Variants in KPNA5 observed in about 807,000 individuals in gnomAD.
The protein encoded by KPNA5 is importin subunit alpha-6.
Under a neutral mutation model 71.3 loss-of-function variants are expected in KPNA5, and 46 were observed. The observed-to-expected ratio is 0.65, with a 90% CI of 0.51 to 0.83. The LOEUF is 0.83. Among genes scored for constraint, KPNA5 ranks in the 40% least tolerant of loss-of-function variants. The pLI is 0.00. For missense variants in KPNA5, 547 were observed against 628.3 expected, an observed-to-expected ratio of 0.87 and a Z score of 1.38; for synonymous variants, 207 against 201.4, an observed-to-expected ratio of 1.03 and a Z score of -0.24.
chr6:116,682,034 A>G (rs938824820), intron 1 of KPNA5, among the ~76,000 whole-genome samples: 1 of 152,198 alleles, frequency 6.6e-6, no homozygotes, highest in Non-Finnish European at 1.5e-5. Flanking sequence ...TGGGAGGCGG[A>G]GGCGGGCGGA....
chr6:116,695,230 C>T (rs899020875), intron 4 of KPNA5, among the ~76,000 whole-genome samples: 5 of 151,804 alleles, frequency 3.3e-5, no homozygotes, highest in Non-Finnish European at 7.4e-5. Context: ...TGCTTGGCCT[C>T]GCAGTTATCT....
At chr6:116,720,257 T>A (rs1354322986) in intron 8 of KPNA5, among the ~76,000 whole-genome samples, 1 of 152,224 alleles carries the variant, frequency 6.6e-6, no homozygotes, top group Non-Finnish European at 1.5e-5. Flanking sequence ...TTATTGGTAG[T>A]TCCCTCTCCT....
Position 116,722,207 on chromosome 6 carries a change from T to G in KPNA5, c.838T>G (p.Ser280Ala). The G allele has an allele frequency of 6.2e-7, 1 of 1,613,434 alleles. No individual in the cohort carries two copies. Among genetic ancestry groups the G allele is most frequent in the Non-Finnish European group, 8.5e-7 (1 of 1,179,586 alleles). Residue 280 changes from serine to alanine, a missense_variant, in exon 9 of 14, where the codon TCT becomes GCT. Transcript: ENST00000368564. ...DVLADVCWAL[S>A]YLSDGPNDKI... The stretch of plus-strand genomic sequence containing the variant: ...GTTAGCAGACGTGTGTTGGGCCCTT[T>G]CTTATCTCTCCGATGGACCCAATGA...
chr6:116,724,956 T>C (rs569753143), intron 10 of KPNA5, among the ~76,000 whole-genome samples: 3 of 152,182 alleles, frequency 2.0e-5, no homozygotes, highest in Admixed American at 6.6e-5. Flanking sequence ...TTTAACACGT[T>C]AGATTCTCCT....
chr6:116,693,787 T>A (rs11153623), intron 4 of KPNA5, among the ~76,000 whole-genome samples: 2,502 of 152,010 alleles, frequency 0.016, 44 homozygotes, highest in African/African-American at 0.056. Flanking sequence ...TTGCTTTTGG[T>A]GTTTTAGACA....
intron 7 of KPNA5, among the ~76,000 whole-genome samples, chr6:116,709,837 T>C (rs748899387): frequency 6.6e-6 from 1 of 151,810 alleles, no homozygotes; most frequent in East Asian, 1.9e-4. Flanking sequence ...TGATCTTGGC[T>C]CACTGCAGCC....
intron 12 of KPNA5, among the ~76,000 whole-genome samples, chr6:116,728,684 G>A (rs1027092717): frequency 8.6e-5 from 13 of 151,878 alleles, no homozygotes; most frequent in African/African-American, 3.1e-4. Context: ...TTTATTAAAT[G>A]TCTATTGTGT....
chr6:116,730,378 T>C (rs1049786627), intron 13 of KPNA5, among the ~76,000 whole-genome samples: 3 of 152,052 alleles, frequency 2.0e-5, no homozygotes, highest in African/African-American at 7.2e-5. Context: ...TGAGCCACCA[T>C]GTCTGGCCAT....
intron 4 of KPNA5, among the ~76,000 whole-genome samples, chr6:116,693,573 T>A (rs377350991): frequency 6.6e-6 from 1 of 152,344 alleles, no homozygotes; most frequent in Admixed American, 6.5e-5. Flanking sequence ...GCCCACTTGT[T>A]GATGGGGTTG....
chr6:116,722,100 T>A (rs1779127917), intron 8 of KPNA5, 26 bp from the exon 9 acceptor site: 1 of 1,450,674 alleles, frequency 6.9e-7, no homozygotes, highest in Non-Finnish European at 9.2e-7. Context: ...AGAAAAAATT[T>A]AAATATGCTC....
rs1562449887 is a variant in KPNA5, at chr6:116,718,774, T to TC, written c.756+2457dup. ...TTTTTTTGAAATTTTCTTTTTTTTT[T>TC]CTTCTTTTTTTGAGATGGAGTTTCA... On this transcript the variant is annotated intron_variant, in intron 8 of 13. Transcript: ENST00000368564. Among the ~76,000 whole-genome samples the TC allele has an allele frequency of 7.3e-5, 11 of 151,576 alleles. No homozygotes were observed. The South Asian group carries it at 2.1e-3, about 29-fold the overall frequency.
At chr6:116,689,272 T>G in intron 1 of KPNA5, 48 bp from the exon 2 acceptor site, 2 of 1,574,962 alleles carry the variant, frequency 1.3e-6, no homozygotes, top group Non-Finnish European at 1.7e-6. Flanking sequence ...CATGTTGTTT[T>G]GAGAGAGTGA....
intron 5 of KPNA5, 109 bp downstream of exon 5, chr6:116,698,907 T>A: frequency 1.8e-6 from 1 of 546,754 alleles, no homozygotes; most frequent in Non-Finnish European, 3.1e-6. Context: ...AGTGAATACT[T>A]GGTAATTAAA....
intron 7 of KPNA5, among the ~76,000 whole-genome samples, chr6:116,715,777 G>A (rs1399225858): frequency 2.0e-5 from 3 of 151,924 alleles, no homozygotes; most frequent in Non-Finnish European, 2.9e-5. Context: ...TTATCCAGGC[G>A]TGGTGGCAGG....
intron 11 of KPNA5, 101 bp downstream of exon 11, chr6:116,725,977 T>C: frequency 2.2e-6 from 3 of 1,338,304 alleles, no homozygotes; most frequent in Non-Finnish European, 3.1e-6. Flanking sequence ...TTTAAAAAGA[T>C]ACCGAAAAAG....
In KPNA5 at chr6:116,738,785, C is replaced by A. The variant is rs1032420225; in HGVS notation, c.*6462C>A. ...TCTCAACAAATGCAGAAAAGGCCTT[C>A]GACAAAATTCAACAACGCTTCATGC... On this transcript the variant is annotated 3_prime_UTR_variant, in exon 14 of 14. Coordinates refer to ENST00000368564, the MANE Select transcript of KPNA5 (RefSeq NM_001366306.2). The A allele has an allele frequency of 1.3e-5, 2 of 152,024 alleles. No individual in the cohort carries two copies. Among genetic ancestry groups the A allele is most frequent in the African/African-American group, 4.8e-5 (2 of 41,394 alleles). The allele number at this position is 152,024 out of a possible 1,614,324, so 9.4% of individuals were successfully genotyped here.
chr6:116,725,851 C>G lies in KPNA5; in HGVS notation c.1100C>G (p.Thr367Ser). The G allele has an allele frequency of 1.2e-6, 2 of 1,613,244 alleles. No homozygotes were observed. Among genetic ancestry groups the G allele is most frequent in the Non-Finnish European group, 1.7e-6 (2 of 1,179,534 alleles). Reference sequence around the variant, plus strand: ...GCCTGCTGGACTGTTTCTAACATCACTGCTGGAAATAGAGCTCAGATTCAG... The same window carrying G: ...GCCTGCTGGACTGTTTCTAACATCAGTGCTGGAAATAGAGCTCAGATTCAG... ...KEACWTVSNI[T>S]AGNRAQIQAV... Residue 367 changes from threonine (T) to serine (S), a missense_variant, in exon 11 of 14, where the codon ACT (threonine) becomes AGT (serine). By Grantham distance (58) the Thr-to-Ser change is moderately conservative (BLOSUM62 1). Coordinates refer to ENST00000368564, the MANE Select transcript of KPNA5 (RefSeq NM_001366306.2).
rs182190809 is a variant in KPNA5, at chr6:116,689,984, A to G, written c.138+531A>G. On this transcript the variant is annotated intron_variant, in intron 2 of 13. Transcript: ENST00000368564. ...CCAAGATGTACTTAAATGTAGAAGT[A>G]TTTGTAAGTAAGTAAAATAATGTGG... 3.4e-4 allele frequency among the ~76,000 whole-genome samples: 52 copies of G among 152,256 alleles called. 2 individuals are homozygous for G. Among genetic ancestry groups the G allele is most frequent in the Admixed American group, 3.2e-3 (49 of 15,306 alleles).
At position 116,735,543 on chromosome 6, in the gene KPNA5, A is replaced by G. The variant is rs1779641730; in HGVS notation, c.*3220A>G. On this transcript the variant is annotated 3_prime_UTR_variant, in exon 14 of 14. Transcript: ENST00000368564. ...TGACTGGGGAGTAAGAAGAGAAGAT[A>G]TTCTTACCCTACTAAATAAACCAAC... 6.6e-6 allele frequency: 1 copy of G among 151,764 alleles called. No individual in the cohort carries two copies. Among genetic ancestry groups the G allele is most frequent in the Non-Finnish European group, 1.5e-5 (1 of 67,744 alleles). The allele number at this position is 151,764 out of a possible 1,614,324, so 9.4% of individuals were successfully genotyped here.
Sources: allele counts gnomAD v4.1 joint callset (sites outside exome capture counted in the v4.1 genomes callset), GRCh38; gene constraint gnomAD v4.1.1; transcripts MANE v1.5; gene names NCBI Gene and HGNC (gene_info 2026-07-23, HGNC 2026-07-21).